The following ZNF609 variants were observed in gnomAD, a reference collection of about 807,000 sequenced individuals.
ZNF609 encodes zinc finger protein 609.
ZNF609 carries 11 observed loss-of-function variants against 109.5 expected under a neutral mutation model. That is an observed-to-expected ratio of 0.10 (90% CI 0.06 to 0.17). The LOEUF is 0.17. ZNF609 is among the 10% of genes least tolerant of loss of function. The pLI, the probability that ZNF609 is intolerant of heterozygous loss-of-function variation, is 1.00. For missense variants in ZNF609, 1,559 were observed against 1,772.4 expected (o/e 0.88, Z 2.16); for synonymous variants, 646 against 662.0 (o/e 0.98, Z 0.37).
Position 64,499,505 on chromosome 15 carries a change from T to C in ZNF609, c.86T>C (p.Ile29Thr). Residue 29 changes from isoleucine (I) to threonine (T), a missense_variant, in exon 2 of 10, where the codon ATT becomes ACT. By Grantham distance (89) the Ile-to-Thr change is moderately conservative (BLOSUM62 -1). This residue lies in a region of ZNF609 where 26 missense variants were observed against 58.4 expected (regional missense o/e 0.44). Transcript: ENST00000326648. ...TACGACAGTGGGGATGAATGGGACA[T>C]TGGAGTAGGGAATCTCATCATTGAC... ...ETYDSGDEWD[I>T]GVGNLIIDLD... 1 of 1,613,910 alleles carries C rather than the reference T, an allele frequency of 6.2e-7. No individual in the cohort carries two copies. Among genetic ancestry groups the C allele is most frequent in the East Asian group, 2.2e-5 (1 of 44,856 alleles).
At position 64,673,931 on chromosome 15, in the gene ZNF609, G is replaced by C. The variant is rs1896770388; in HGVS notation, c.1077G>C (p.Pro359=). 1.2e-6 allele frequency: 2 copies of C among 1,611,626 alleles called. No homozygotes were observed. Among genetic ancestry groups the C allele is most frequent in the East Asian group, 4.5e-5 (2 of 44,826 alleles). ...DWAPPRFCDS[P]TSDLEMRNGR... ...CTTTGCCAAGGTTCTGTGACTCCCC[G>C]ACCAGTGACCTGGAAATGCGCAATG... The change falls in exon 5 of 10, where the codon CCG becomes CCC. Residue 359 remains proline (P), a synonymous_variant. Transcript: ENST00000326648.
Position 64,647,573 on chromosome 15 carries a change from C to G in ZNF609, c.974-22773C>G, listed in dbSNP as rs564997709. On this transcript the variant is annotated intron_variant, in intron 3 of 9. Transcript: ENST00000326648. The stretch of plus-strand genomic sequence containing the variant: ...CCTTCTCTATATATTTCGTAATCTT[C>G]TTTGTTTAGAGAAATATATTCCTGT... Among the ~76,000 whole-genome samples the G allele has an allele frequency of 2.0e-5, 3 of 151,962 alleles. No homozygotes were observed. The South Asian group carries it at 6.2e-4, about 32-fold the overall frequency.
intron 2 of ZNF609, among the ~76,000 whole-genome samples, chr15:64,585,434 A>G (rs574834408): frequency 6.6e-6 from 1 of 152,244 alleles, no homozygotes; most frequent in Admixed American, 6.5e-5. Flanking sequence ...AGCCTTGGAT[A>G]TATGTATTTG....
intron 3 of ZNF609, 85 bp downstream of exon 3, chr15:64,623,137 C>T (rs2140972832): frequency 7.3e-7 from 1 of 1,369,066 alleles, no homozygotes; most frequent in South Asian, 1.2e-5. Flanking sequence ...TAAATATTAC[C>T]AAGTGGTTAT....
intron 2 of ZNF609, among the ~76,000 whole-genome samples, chr15:64,538,824 C>T (rs1030842971): frequency 6.6e-6 from 1 of 152,118 alleles, no homozygotes; most frequent in Non-Finnish European, 1.5e-5. Flanking sequence ...GGATTACAGA[C>T]GTGAGCCACT....
In ZNF609 at chr15:64,678,274, A is replaced by G; in HGVS notation, c.3561A>G (p.Thr1187=). The G allele has an allele frequency of 6.2e-7, 1 of 1,614,194 alleles. No individual in the cohort carries two copies. Among genetic ancestry groups the G allele is most frequent in the Non-Finnish European group, 8.5e-7 (1 of 1,180,030 alleles). Residue 1187 remains threonine, a synonymous_variant, in exon 6 of 10, where the codon ACA becomes ACG. Coordinates refer to ENST00000326648, the MANE Select transcript of ZNF609 (RefSeq NM_015042.2). Reference sequence around the variant, plus strand: ...CCAAGGAAGATGGGAAGGAAAGCACAAGTAGTGACTGCAAGCTGCCCACGT... The same window carrying G: ...CCAAGGAAGATGGGAAGGAAAGCACGAGTAGTGACTGCAAGCTGCCCACGT... ...SVPKEDGKES[T]SSDCKLPTSE... is the part of the protein sequence containing the mutation.
intron 1 of ZNF609, among the ~76,000 whole-genome samples, chr15:64,477,385 C>T (rs902259529): frequency 1.3e-5 from 2 of 151,908 alleles, no homozygotes; most frequent in Admixed American, 6.6e-5. Context: ...CGTGATCCGC[C>T]GGCCTCAGCC....
At chr15:64,533,011 G>A (rs1403694151) in intron 2 of ZNF609, among the ~76,000 whole-genome samples, 2 of 151,884 alleles carry the variant, frequency 1.3e-5, no homozygotes, top group East Asian at 1.9e-4. Flanking sequence ...TTTTTGGGTC[G>A]GGGGTGGTAT....
At chr15:64,580,783 G>A (rs951645074) in intron 2 of ZNF609, among the ~76,000 whole-genome samples, 2 of 151,440 alleles carry the variant, frequency 1.3e-5, no homozygotes, top group African/African-American at 4.8e-5. Flanking sequence ...TCCTCCCACC[G>A]TGGCCTCCCA....
rs1895438926 is a variant in ZNF609 at position 64,598,721 on chromosome 15, C to T, written c.748-24106C>T. 2.4e-5 allele frequency among the ~76,000 whole-genome samples: 3 copies of T among 126,190 alleles called. No homozygotes were observed. In the Admixed American group the frequency reaches 2.6e-4, roughly 11 times the overall value. The allele number at this position is 126,190 out of a possible 152,430, so 82.8% of individuals were successfully genotyped here. On this transcript the variant is annotated intron_variant, in intron 2 of 9. Transcript: ENST00000326648. Reference sequence around the variant, plus strand: ...TAAAAACAACATTGAAGAAAACTGTCCATCATACATCTTTGTGTGTGTATA... The same window carrying T: ...TAAAAACAACATTGAAGAAAACTGTTCATCATACATCTTTGTGTGTGTATA...
At chr15:64,680,413 T>C in intron 7 of ZNF609, 53 bp downstream of exon 7, 1 of 1,592,984 alleles carries the variant, frequency 6.3e-7, no homozygotes, top group East Asian at 2.2e-5. Context: ...TAAGGCCAGA[T>C]CCAGGGTCTG....
At chr15:64,658,811 G>T (rs1896528958) in intron 3 of ZNF609, among the ~76,000 whole-genome samples, 1 of 151,244 alleles carries the variant, frequency 6.6e-6, no homozygotes, top group Non-Finnish European at 1.5e-5. Context: ...AAAAGGTATT[G>T]AGGACCTCAA....
chr15:64,485,049 G>T (rs892363418), intron 1 of ZNF609, among the ~76,000 whole-genome samples: 3 of 152,180 alleles, frequency 2.0e-5, no homozygotes, highest in Non-Finnish European at 2.9e-5. Flanking sequence ...CCACGGAAAT[G>T]CTGGGCATCA....
At chr15:64,668,503 C>T (rs1286069593) in intron 3 of ZNF609, among the ~76,000 whole-genome samples, 6 of 152,156 alleles carry the variant, frequency 3.9e-5, no homozygotes, top group Non-Finnish European at 4.4e-5. Context: ...TGGTGGCTCA[C>T]ACCTATAATC....
intron 2 of ZNF609, among the ~76,000 whole-genome samples, chr15:64,611,356 T>G (rs776429273): frequency 2.0e-5 from 3 of 152,168 alleles, no homozygotes; most frequent in Non-Finnish European, 2.9e-5. Flanking sequence ...GTGAGAAGAC[T>G]TAGGGAAGAG....
At chr15:64,655,123 T>G (rs1595753954) in intron 3 of ZNF609, among the ~76,000 whole-genome samples, 5 of 138,922 alleles carry the variant, frequency 3.6e-5, no homozygotes, top group Non-Finnish European at 3.0e-5. Context: ...AGCACCAAGT[T>G]GAGGGGAAAA....
At chr15:64,663,595 C>A (rs1021231813) in intron 3 of ZNF609, among the ~76,000 whole-genome samples, 3 of 152,066 alleles carry the variant, frequency 2.0e-5, no homozygotes, top group Non-Finnish European at 4.4e-5. Context: ...ATCAGCTACA[C>A]ATGAAGTACC....
intron 2 of ZNF609, among the ~76,000 whole-genome samples, chr15:64,512,473 G>C (rs1008298680): frequency 6.6e-6 from 1 of 152,020 alleles, no homozygotes; most frequent in Non-Finnish European, 1.5e-5. Context: ...TTGGATAATA[G>C]GTGTTCCTAA....
chr15:64,481,913 T>TG (rs1893259622), intron 1 of ZNF609, among the ~76,000 whole-genome samples: 1 of 152,026 alleles, frequency 6.6e-6, no homozygotes, highest in Non-Finnish European at 1.5e-5. Flanking sequence ...GCCTCCTGAG[T>TG]AGCTGGGATT....
Sources: gnomAD v4.1 joint callset for allele counts (sites outside exome capture counted in the v4.1 genomes callset) on GRCh38, gnomAD v4.1.1 for gene constraint, gnomAD v4.1.1 regional missense constraint, MANE v1.5 for transcripts, NCBI Gene and HGNC (gene_info 2026-07-23, HGNC 2026-07-21) for gene names.